The following PCNX3 variants were observed in gnomAD, a reference collection of about 807,000 sequenced individuals.
The protein encoded by PCNX3 is pecanex-like protein 3.
A neutral mutation model predicts 207.2 loss-of-function variants in PCNX3; 58 were observed. The ratio of observed to expected loss-of-function variants is 0.28; its 90% CI spans 0.23 to 0.35. PCNX3 has a LOEUF of 0.35. Among genes scored for constraint, PCNX3 ranks in the 10% least tolerant of loss-of-function variants. PCNX3 has a pLI of 1.00. For missense variants in PCNX3, 2,410 were observed against 2,774.4 expected (o/e 0.87, Z 2.95); for synonymous variants, 1,337 against 1,183.5 (o/e 1.13, Z -2.66).
Position 65,622,325 on chromosome 11 carries a change from T to G in PCNX3, c.2316T>G (p.Ser772=), listed in dbSNP as rs759768398. 2.8e-5 allele frequency: 44 copies of G among 1,597,374 alleles called. No homozygotes were observed. The highest frequency in any genetic ancestry group is 1.7e-4 in the Admixed American group (10 of 58,072). The change falls in exon 11 of 35, where the codon TCT becomes TCG. Residue 772 remains serine, a synonymous_variant. Transcript: ENST00000355703. ...GGCTTCTCCCTGGCCGCTGGACCTC[T>G]GTGCGCTATGAGCGGCTTGCCCTGC... ...KYWLLPGRWT[S]VRYERLALLA...
In PCNX3 at chr11:65,636,916, C is replaced by T. The variant is rs754438360; in HGVS notation, c.6043C>T (p.Pro2015Ser). 3 of 1,560,738 alleles carry T rather than the reference C, an allele frequency of 1.9e-6. No individual in the cohort carries two copies. The highest frequency in any genetic ancestry group is 2.4e-5 in the South Asian group (2 of 84,740). ...GTPMGALGDWPAPIEERESPA... is the reference protein window; with the variant it reads ...GTPMGALGDWSAPIEERESPA... ...ACCTATGGGTGCCCTGGGCGACTGG[C>T]CTGCCCCTATTGAGGAGCGTGAGAG... Residue 2015 changes from proline (P) to serine (S), a missense_variant, in exon 35 of 35, where the codon CCT becomes TCT. By Grantham distance (74) the Pro-to-Ser change is moderately conservative. This residue lies in a region of PCNX3 where 278 missense variants were observed against 245.1 expected (regional missense o/e 1.13). Transcript: ENST00000355703.
chr11:65,630,816 G>A (rs1218177678), intron 27 of PCNX3, among the ~76,000 whole-genome samples: 1 of 152,206 alleles, frequency 6.6e-6, no homozygotes, highest in African/African-American at 2.4e-5. Context: ...AGGTGCCCAG[G>A]CAAGGAAGGC....
At position 65,636,452 on chromosome 11, in the gene PCNX3, C is replaced by T. The variant is rs765956752; in HGVS notation, c.5655C>T (p.Gly1885=). 1.9e-5 allele frequency: 30 copies of T among 1,558,360 alleles called. No homozygotes were observed. Among genetic ancestry groups the T allele is most frequent in the Non-Finnish European group, 2.5e-5 (29 of 1,154,220 alleles). ...GGGGGCCGCGGTCCTCCCTGAGTGG[C>T]TCTGGTGATGGGCGGCCCCCACCTC... ...PGWGPRSSLS[G]SGDGRPPPLL... Residue 1885 remains glycine (G), a synonymous_variant, in exon 34 of 35, where the codon GGC becomes GGT. Coordinates refer to ENST00000355703, the MANE Select transcript of PCNX3 (RefSeq NM_032223.4).
In PCNX3 at chr11:65,619,564, G is replaced by A. The variant is rs61747472; in HGVS notation, c.1733G>A (p.Arg578His). The A allele has an allele frequency of 1.5e-3, 2,375 of 1,609,710 alleles. 28 individuals carry two copies. In the African/African-American group the frequency reaches 0.026, roughly 18 times the overall value. The change falls in exon 7 of 35, where the codon CGC becomes CAC. Residue 578 changes from arginine to histidine, a missense_variant. By Grantham distance (29) the Arg-to-His change is conservative (BLOSUM62 0). This residue lies in a region of PCNX3 where 1,104 missense variants were observed against 970.3 expected (regional missense o/e 1.14). Transcript: ENST00000355703. The part of the protein sequence containing the change: ...GAAEETGRRD[R>H]SSSVRRTQAI... Reference sequence around the variant, plus strand: ...GCCGAGGAGACTGGCAGGCGGGACCGCTCAAGCAGTGTGAGGCGGACCCAG... The same window carrying A: ...GCCGAGGAGACTGGCAGGCGGGACCACTCAAGCAGTGTGAGGCGGACCCAG...
At chr11:65,636,713 G>C (rs554949122) in intron 34 of PCNX3, 24 bp downstream of exon 34, 4 of 1,558,378 alleles carry the variant, frequency 2.6e-6, no homozygotes, top group South Asian at 1.2e-5. Context: ...GGGAGGGTTG[G>C]GTCCCAGAAG....
Position 65,636,420 on chromosome 11 carries a change from C to T in PCNX3, c.5623C>T (p.Pro1875Ser), listed in dbSNP as rs1204970401. The change falls in exon 34 of 35, where the codon CCT becomes TCT. Residue 1875 changes from proline (P) to serine (S), a missense_variant. Pro to Ser is a moderately conservative substitution (Grantham distance 74). Around this residue, in one of 8 missense-constraint regions of PCNX3, gnomAD observed 278 missense variants for 245.1 expected, o/e 1.13. Coordinates refer to ENST00000355703, the MANE Select transcript of PCNX3 (RefSeq NM_032223.4). ...TGGTGACCAACCCCTCCCACCAGGC[C>T]CTGGCTGGGGGCCGCGGTCCTCCCT... ...GNGDQPLPPG[P>S]GWGPRSSLSG... is the part of the protein sequence containing the mutation. 1.9e-6 allele frequency: 3 copies of T among 1,555,622 alleles called. No homozygotes were observed. The highest frequency in any genetic ancestry group is 1.7e-4 in the Middle Eastern group (1 of 5,784).
At chr11:65,629,267 G>A (rs1319925535) in intron 24 of PCNX3, 90 bp from the exon 25 acceptor site, 25 of 1,375,298 alleles carry the variant, frequency 1.8e-5, no homozygotes, top group Admixed American at 5.9e-5. Flanking sequence ...CCTGGATGGC[G>A]TTGACCTTGT....
chr11:65,618,521 GC>G lies in PCNX3; in HGVS notation c.1162del (p.Leu388CysfsTer43). ...CCTGGTCGTGCGGCCCAAGGACTTG[GC>G]CCTGCTACGGCCTAGCAAACGGCAG... ...PLLVVRPKDL[A>X]LLRPSKRQPP... is the part of the protein sequence containing the mutation. On this transcript the variant is annotated frameshift_variant, in exon 6 of 35. Coordinates refer to ENST00000355703, the MANE Select transcript of PCNX3 (RefSeq NM_032223.4). LOFTEE classifies it high-confidence loss of function. 1 of 1,611,314 alleles carries G rather than the reference GC, an allele frequency of 6.2e-7. No homozygotes were observed. Among genetic ancestry groups the G allele is most frequent in the Non-Finnish European group, 8.5e-7 (1 of 1,179,216 alleles).
rs776746058 is a variant in PCNX3, at chr11:65,618,200, C to G, written c.838C>G (p.Gln280Glu). 9 of 1,601,944 alleles carry G rather than the reference C, an allele frequency of 5.6e-6. No homozygotes were observed. The highest frequency in any genetic ancestry group is 3.4e-5 in the Admixed American group (2 of 58,646). Residue 280 changes from glutamine to glutamate, a missense_variant, in exon 6 of 35, where the codon CAG becomes GAG. Physicochemically the swap from Gln to Glu is conservative, Grantham distance 29. Coordinates refer to ENST00000355703, the MANE Select transcript of PCNX3 (RefSeq NM_032223.4). The part of the protein sequence containing the change: ...REQRRGAGGY[Q>E]PLDRRGSGEP... Reference sequence around the variant, plus strand: ...ACAACGCAGGGGGGCAGGTGGCTATCAGCCCCTTGACCGGCGGGGCTCAGG... The same window carrying G: ...ACAACGCAGGGGGGCAGGTGGCTATGAGCCCCTTGACCGGCGGGGCTCAGG...
intron 13 of PCNX3, 37 bp downstream of exon 13, chr11:65,623,998 C>T (rs1405062943): frequency 6.2e-7 from 1 of 1,608,200 alleles, no homozygotes; most frequent in Admixed American, 1.7e-5. Context: ...GGCCAGGAGG[C>T]CCCGGGAGGG....
chr11:65,623,728 A>G (rs866224447), intron 12 of PCNX3, 84 bp downstream of exon 12: 3 of 1,557,312 alleles, frequency 1.9e-6, no homozygotes. Flanking sequence ...TAAGGAGTAT[A>G]AGCTGAAAGG....
At position 65,619,652 on chromosome 11, in the gene PCNX3, G is replaced by A. The variant is rs984160493; in HGVS notation, c.1821G>A (p.Ser607=). 5.6e-6 allele frequency: 9 copies of A among 1,597,580 alleles called. No individual in the cohort carries two copies. Among genetic ancestry groups the A allele is most frequent in the South Asian group, 1.1e-5 (1 of 89,930 alleles). The change falls in exon 7 of 35, where the codon TCG becomes TCA. Residue 607 remains serine (S), a synonymous_variant. Transcript: ENST00000355703. ...NPTPPASVMG[S]PPSSLQEAQR... ...CCCCTCCAGCCTCTGTCATGGGCTC[G>A]CCGCCCAGGTGAGCACCTTGCCAGC...
chr11:65,620,043 C>A, intron 8 of PCNX3, 111 bp downstream of exon 8: 1 of 1,167,784 alleles, frequency 8.6e-7, no homozygotes, highest in Non-Finnish European at 1.2e-6. Flanking sequence ...ACTGCTAATG[C>A]TGCCAGACAT....
At chr11:65,619,374 G>T in intron 6 of PCNX3, 163 bp from the exon 7 acceptor site, 1 of 924,664 alleles carries the variant, frequency 1.1e-6, no homozygotes, top group South Asian at 5.0e-5. Flanking sequence ...TTGTTTGCAA[G>T]TAAGGAAACT....
rs773761269 is a variant in PCNX3 at position 65,636,821 on chromosome 11, C to A, written c.5948C>A (p.Thr1983Asn). ...CTCAGCCTCAGCCCCGATGTCAGCA[C>A]TGAGGCCTCACCCCCCAGAGCTTCC... is the stretch of plus-strand genomic sequence containing the variant. ...LSLSLSPDVS[T>N]EASPPRASQD... is the part of the protein sequence containing the mutation. The change falls in exon 35 of 35, where the codon ACT becomes AAT. Residue 1983 changes from threonine (T) to asparagine (N), a missense_variant. Physicochemically the swap from Thr to Asn is moderately conservative, Grantham distance 65. Around this residue, in one of 8 missense-constraint regions of PCNX3, gnomAD observed 278 missense variants for 245.1 expected, o/e 1.13. Coordinates refer to ENST00000355703, the MANE Select transcript of PCNX3 (RefSeq NM_032223.4). 1 of 1,551,074 alleles carries A rather than the reference C, an allele frequency of 6.4e-7. No individual in the cohort carries two copies. The highest frequency in any genetic ancestry group is 8.7e-7 in the Non-Finnish European group (1 of 1,146,964).
At chr11:65,622,681 C>T (rs1476262721) in intron 11 of PCNX3, among the ~76,000 whole-genome samples, 2 of 152,118 alleles carry the variant, frequency 1.3e-5, no homozygotes, top group African/African-American at 2.4e-5. Context: ...CTGCAAGCTC[C>T]GCCTCCCAGG....
At position 65,634,162 on chromosome 11, in the gene PCNX3, G is replaced by A. The variant is rs778950999; in HGVS notation, c.4507G>A (p.Glu1503Lys). 2 of 1,613,358 alleles carry A rather than the reference G, an allele frequency of 1.2e-6. No homozygotes were observed. The highest frequency in any genetic ancestry group is 1.1e-5 in the South Asian group (1 of 91,048). Reference sequence around the variant, plus strand: ...CTACGTGAGCCGCTCACCAAAGCTGGAGGTGTGGCTCAGCCATGAGGGCAT... The same window carrying A: ...CTACGTGAGCCGCTCACCAAAGCTGAAGGTGTGGCTCAGCCATGAGGGCAT... ...IYYVSRSPKL[E>K]VWLSHEGITA... Residue 1503 changes from glutamate to lysine, a missense_variant, in exon 28 of 35, where the codon GAG becomes AAG. Physicochemically the swap from Glu to Lys is moderately conservative, Grantham distance 56. Transcript: ENST00000355703.
Position 65,618,155 on chromosome 11 carries a change from A to G in PCNX3, c.793A>G (p.Arg265Gly). 1 of 1,608,218 alleles carries G rather than the reference A, an allele frequency of 6.2e-7. No individual in the cohort carries two copies. The highest frequency in any genetic ancestry group is 8.5e-7 in the Non-Finnish European group (1 of 1,176,638). ...TLTQPDRALVRTSSRREQRRG... is the reference protein window; with the variant it reads ...TLTQPDRALVGTSSRREQRRG... Reference sequence around the variant, plus strand: ...GACCCAGCCTGACCGGGCCCTGGTGAGGACCAGCAGTCGACGGGAACAACG... The same window carrying G: ...GACCCAGCCTGACCGGGCCCTGGTGGGGACCAGCAGTCGACGGGAACAACG... Residue 265 changes from arginine (R) to glycine (G), a missense_variant, in exon 6 of 35, where the codon AGG (arginine) becomes GGG (glycine). Around this residue, in one of 8 missense-constraint regions of PCNX3, gnomAD observed 1,104 missense variants for 970.3 expected, o/e 1.14. Transcript: ENST00000355703.
intron 10 of PCNX3, among the ~76,000 whole-genome samples, chr11:65,621,421 G>T (rs1230975081): frequency 6.6e-6 from 1 of 152,210 alleles, no homozygotes; most frequent in Non-Finnish European, 1.5e-5. Flanking sequence ...ATCACAGTTT[G>T]GACAGTAAAT....
Sources: gnomAD v4.1 joint callset for allele counts (sites outside exome capture counted in the v4.1 genomes callset) on GRCh38, gnomAD v4.1.1 for gene constraint, gnomAD v4.1.1 regional missense constraint, MANE v1.5 for transcripts, NCBI Gene and HGNC (gene_info 2026-07-23, HGNC 2026-07-21) for gene names.